Variants in SYNE2 observed in about 807,000 individuals in gnomAD.
SYNE2 encodes the protein spectrin repeat containing nuclear envelope protein 2.
SYNE2 carries 431 observed loss-of-function variants against 856.3 expected under a neutral mutation model. The observed-to-expected ratio is 0.50, with a 90% CI of 0.47 to 0.55. SYNE2 has a LOEUF of 0.55. SYNE2 is among the 20% of genes least tolerant of loss of function. The pLI is 0.00. For synonymous variants in SYNE2, 2,923 were observed against 2,872.3 expected, an observed-to-expected ratio of 1.02 and a Z score of -0.56; for missense variants, 8,129 against 8,023.2, an observed-to-expected ratio of 1.01 and a Z score of -0.50.
intron 2 of SYNE2, among the ~76,000 whole-genome samples, chr14:63,931,676 C>T (rs867287435): frequency 5.3e-5 from 8 of 152,152 alleles, no homozygotes; most frequent in East Asian, 3.9e-4. Flanking sequence ...TTTAGTATTT[C>T]GTAAGTCTTT....
intron 50 of SYNE2, among the ~76,000 whole-genome samples, chr14:64,065,165 T>G (rs1167014518): frequency 3.3e-5 from 5 of 152,114 alleles, no homozygotes; most frequent in African/African-American, 1.2e-4. Flanking sequence ...GTCTGGCAAA[T>G]ATTTGCTTTT....
chr14:63,975,981 A>G lies in SYNE2; in HGVS notation c.1129-582A>G, dbSNP rs796351738. Among the ~76,000 whole-genome samples the G allele has an allele frequency of 5.3e-5, 8 of 152,338 alleles. No individual in the cohort carries two copies. The South Asian group carries it at 1.7e-3, about 32-fold the overall frequency. On this transcript the variant is annotated intron_variant, in intron 11 of 115. Transcript: ENST00000555002. Reference sequence around the variant, plus strand: ...ACAAGAGTACAGCGAGTATTTGGAGAAGCAAGCAGTCAGAGTGTGTTTCTC... The same window carrying G: ...ACAAGAGTACAGCGAGTATTTGGAGGAGCAAGCAGTCAGAGTGTGTTTCTC...
At chr14:64,188,134 A>G (rs1294251229) in intron 97 of SYNE2, among the ~76,000 whole-genome samples, 1 of 152,222 alleles carries the variant, frequency 6.6e-6, no homozygotes, top group Non-Finnish European at 1.5e-5. Flanking sequence ...TGTTTGATTG[A>G]CATTCTATCT....
rs531773827 is a variant in SYNE2, at chr14:64,050,074, T to TA, written c.7643+204dup. Among the ~76,000 whole-genome samples, 553 of 151,922 alleles carry TA rather than the reference T, an allele frequency of 3.6e-3. 4 individuals carry two copies. Among genetic ancestry groups the TA allele is most frequent in the Non-Finnish European group, 6.6e-3 (449 of 67,720 alleles). ...AAAATACTGCAGACTAAGAGGCTGA[T>TA]AAAAAACAAAATTATTTCTTACTGC... On this transcript the variant is annotated intron_variant, in intron 47 of 115. Coordinates refer to ENST00000555002, the MANE Select transcript of SYNE2 (RefSeq NM_182914.3).
chr14:64,138,591 C>T (rs939997977), intron 79 of SYNE2, among the ~76,000 whole-genome samples: 2 of 151,962 alleles, frequency 1.3e-5, no homozygotes, highest in African/African-American at 4.8e-5. Context: ...TATAGGTTAC[C>T]TTTATACCAT....
chr14:63,849,513 A>T (rs2139953141), upstream of SYNE2, among the ~76,000 whole-genome samples: 1 of 152,314 alleles, frequency 6.6e-6, no homozygotes, highest in South Asian at 2.1e-4. Context: ...ACAGAGAATC[A>T]GTCATTAATC....
At chr14:63,849,144 C>T (rs12879641), upstream of SYNE2, among the ~76,000 whole-genome samples, 9,202 of 152,098 alleles carry the variant, frequency 0.061, 294 homozygotes, top group Middle Eastern at 0.1. Flanking sequence ...TCTTGGCTAG[C>T]TATTTTCATC....
intron 99 of SYNE2, chr14:64,190,820 A>G: frequency 1.5e-6 from 1 of 679,948 alleles, no homozygotes; most frequent in Admixed American, 2.0e-5. Flanking sequence ...TGGCCAGTGC[A>G]ATCTTATCAG....
intron 94 of SYNE2, among the ~76,000 whole-genome samples, chr14:64,171,399 G>C (rs1020080733): frequency 6.6e-6 from 1 of 152,106 alleles, no homozygotes; most frequent in Non-Finnish European, 1.5e-5. Flanking sequence ...AGACAAAGTA[G>C]TAAACCAGAA....
intron 1 of SYNE2, among the ~76,000 whole-genome samples, chr14:63,764,663 C>T (rs1415539686): frequency 6.6e-6 from 1 of 151,612 alleles, no homozygotes; most frequent in African/African-American, 2.4e-5. Context: ...TTGCTGTACC[C>T]ATCAACCTGT....
At chr14:64,017,502 TA>T in intron 33 of SYNE2, 92 bp from the exon 34 acceptor site, 1 of 1,136,248 alleles carries the variant, frequency 8.8e-7, no homozygotes, top group Non-Finnish European at 1.3e-6. Flanking sequence ...AATAGTAAAC[TA>T]AAATTTTATT....
At chr14:64,215,858 G>T in intron 107 of SYNE2, 1 of 981,924 alleles carries the variant, frequency 1.0e-6, no homozygotes, top group Non-Finnish European at 1.3e-6. Flanking sequence ...GGTGGGTCGG[G>T]GAGAGCCCTG....
In SYNE2 at chr14:63,984,004, G is replaced by A. The variant is rs557588365; in HGVS notation, c.2151+118G>A. 51 of 706,222 alleles carry A rather than the reference G, an allele frequency of 7.2e-5. No homozygotes were observed. The South Asian group carries it at 8.7e-4, about 12-fold the overall frequency. The allele number at this position is 706,222 out of a possible 1,614,324, so 43.7% of individuals were successfully genotyped here. A position where few individuals can be genotyped will look rare whatever the true frequency, so the allele number is the denominator to read the frequency against. ...TGCCTGTAATCCCAGCACTTTGGGA[G>A]GACAAAACAGGTGGATGGCTTGAAC... is the stretch of plus-strand genomic sequence containing the variant. On this transcript the variant is annotated intron_variant, in intron 18 of 115. Transcript: ENST00000555002.
intron 1 of SYNE2, among the ~76,000 whole-genome samples, chr14:63,824,650 A>AG (rs1889349732): frequency 6.6e-6 from 1 of 151,334 alleles, no homozygotes; most frequent in Non-Finnish European, 1.5e-5. Context: ...AAAAAAAAAA[A>AG]AAGCGTAATT....
chr14:64,079,722 T>A (rs2097502967), intron 55 of SYNE2, among the ~76,000 whole-genome samples: 1 of 152,218 alleles, frequency 6.6e-6, no homozygotes, highest in Admixed American at 6.5e-5. Flanking sequence ...TTTTTTTAAA[T>A]TTTTGAGATA....
chr14:64,159,675 C>A (rs1351134390), intron 87 of SYNE2, among the ~76,000 whole-genome samples: 2 of 152,194 alleles, frequency 1.3e-5, no homozygotes, highest in African/African-American at 4.8e-5. Context: ...GGCCTAATAA[C>A]AACCCCAGTG....
intron 74 of SYNE2, among the ~76,000 whole-genome samples, chr14:64,129,271 C>T (rs1365122339): frequency 6.6e-6 from 1 of 152,184 alleles, no homozygotes; most frequent in Non-Finnish European, 1.5e-5. Flanking sequence ...TGTGCCACTG[C>T]ACTCCAGCTT....
At chr14:63,820,268 T>C (rs1788381915) in intron 1 of SYNE2, among the ~76,000 whole-genome samples, 1 of 152,164 alleles carries the variant, frequency 6.6e-6, no homozygotes, top group South Asian at 2.1e-4. Flanking sequence ...AACCCATACA[T>C]ATATGGTCTC....
chr14:64,133,278 A>C (rs1000948512), intron 77 of SYNE2, among the ~76,000 whole-genome samples: 3 of 151,994 alleles, frequency 2.0e-5, no homozygotes, highest in Admixed American at 6.5e-5. Context: ...TTTGCTAACA[A>C]AATTTATTTT....
Sources: allele counts gnomAD v4.1 joint callset (sites outside exome capture counted in the v4.1 genomes callset), GRCh38; gene constraint gnomAD v4.1.1; transcripts MANE v1.5; gene names NCBI Gene and HGNC (gene_info 2026-07-23, HGNC 2026-07-21).